The following FAS variants were observed in gnomAD, a reference collection of about 807,000 sequenced individuals.
The protein encoded by FAS is tumor necrosis factor receptor superfamily member 6.
FAS carries 5 observed loss-of-function variants against 33.2 expected under a neutral mutation model. The observed-to-expected ratio is 0.15, with a 90% confidence interval of 0.08 to 0.32. The LOEUF (loss-of-function observed/expected upper bound fraction) is 0.32. FAS is among the 10% of genes least tolerant of loss of function. The pLI, the probability that FAS is intolerant of heterozygous loss-of-function variation, is 1.00. For missense variants in FAS, 339 were observed against 386.0 expected (o/e 0.88, Z 1.02); for synonymous variants, 131 against 130.7 (o/e 1.00, Z -0.01).
At position 89,006,854 on chromosome 10, in the gene FAS, C is replaced by T. The variant is rs9658751; in HGVS notation, c.197-846C>T. On this transcript the variant is annotated intron_variant, in intron 2 of 8. Coordinates refer to ENST00000652046, the MANE Select transcript of FAS (RefSeq NM_000043.6). ...TTTTAAGAGAACACATTACATAATGCTTTCTAATAGCAATACAGTGACAAA... is the reference window on the plus strand; with the variant it reads ...TTTTAAGAGAACACATTACATAATGTTTTCTAATAGCAATACAGTGACAAA... Among the ~76,000 whole-genome samples the T allele has an allele frequency of 1.1e-3, 166 of 150,658 alleles. 1 individual carries two copies. The highest frequency in any genetic ancestry group is 3.9e-3 in the African/African-American group (161 of 40,922).
intron 2 of FAS, chr10:88,975,029 T>C (rs1336631958): frequency 6.6e-6 from 1 of 152,200 alleles, no homozygotes; most frequent in Admixed American, 6.5e-5. Flanking sequence ...ATGATGCAAA[T>C]TGTTTACTGT....
chr10:89,014,516 G>A lies in FAS; in HGVS notation c.*66G>A, dbSNP rs755243893. The stretch of plus-strand genomic sequence containing the variant: ...GTGTTTGAAAAGATTCTTAATAGCT[G>A]GCTGTAAATACTGCTTGGTTTTTTA... On this transcript the variant is annotated 3_prime_UTR_variant, in exon 9 of 9. Transcript: ENST00000652046. 34 of 1,461,016 alleles carry A rather than the reference G, an allele frequency of 2.3e-5. No homozygotes were observed. The Admixed American group carries it at 5.7e-4, about 25-fold the overall frequency. 90.5% of individuals were successfully genotyped at this position (1,461,016 alleles called of 1,614,324 possible).
rs776971935 is a variant in FAS, at chr10:89,014,624, A to G, written c.*174A>G. 2.6e-5 allele frequency: 20 copies of G among 772,808 alleles called. No homozygotes were observed. The South Asian group carries it at 2.9e-4, about 11-fold the overall frequency. 47.9% of individuals were successfully genotyped at this position (772,808 alleles called of 1,614,324 possible). A position where few individuals can be genotyped will look rare whatever the true frequency, so the allele number is the denominator to read the frequency against. ...ATATCTCATGATTCTGCCTCCAAGGATGTTTAAAATCTAGTTGGGAAAACA... is the reference window on the plus strand; with the variant it reads ...ATATCTCATGATTCTGCCTCCAAGGGTGTTTAAAATCTAGTTGGGAAAACA... On this transcript the variant is annotated 3_prime_UTR_variant, in exon 9 of 9. Transcript: ENST00000652046.
intron 3 of FAS, 137 bp from the exon 4 acceptor site, chr10:89,008,752 A>G (rs1848374270): frequency 1.2e-6 from 1 of 831,742 alleles, no homozygotes; most frequent in African/African-American, 1.7e-5. Context: ...TTAAACACTG[A>G]CTGTATTACT....
intron 1 of FAS, among the ~76,000 whole-genome samples, chr10:89,001,779 G>A (rs563282292): frequency 8.5e-5 from 13 of 152,326 alleles, no homozygotes; most frequent in African/African-American, 2.9e-4. Context: ...CCCTGTTTCT[G>A]AGAGGTTCAA....
chr10:88,982,578 G>A (rs1177181580), upstream of FAS, among the ~76,000 whole-genome samples: 3 of 152,152 alleles, frequency 2.0e-5, no homozygotes, highest in Non-Finnish European at 4.4e-5. Flanking sequence ...TATCCTGATT[G>A]GCTGAGGGAG....
chr10:89,016,107 G>T lies in FAS; in HGVS notation c.*1657G>T, dbSNP rs945564675. On this transcript the variant is annotated 3_prime_UTR_variant, in exon 9 of 9. Coordinates refer to ENST00000652046, the MANE Select transcript of FAS (RefSeq NM_000043.6). ...TGAGGATTTTGAAATATTCTTTCCT[G>T]CATATTATCCATTCTAGCTACATGC... 1.4e-4 allele frequency: 32 copies of T among 226,264 alleles called. No individual in the cohort carries two copies. The highest frequency in any genetic ancestry group is 6.5e-4 in the African/African-American group (29 of 44,724). The allele number at this position is 226,264 out of a possible 1,614,324, so 14.0% of individuals were successfully genotyped here.
chr10:88,966,476 C>T (rs1214421412), intron 1 of FAS, among the ~76,000 whole-genome samples: 1 of 152,120 alleles, frequency 6.6e-6, no homozygotes, highest in Non-Finnish European at 1.5e-5. Flanking sequence ...ATCCTGTCTA[C>T]CTCTAACAAT....
Position 88,990,995 on chromosome 10 carries a change from TGCGGCGGCA to T in FAS, c.30+96_30+104del. ...GGCGGGCGCGGGACGCGTGCGGGATTGCGGCGGCAGCGGCGCACGCGGGCACCTGGGAGC... is the reference window on the plus strand; with the variant it reads ...GGCGGGCGCGGGACGCGTGCGGGATTGCGGCGCACGCGGGCACCTGGGAGC... On this transcript the variant is annotated intron_variant, in intron 1 of 8. Transcript: ENST00000652046. The surrounding 1 kb of genome is among the most constrained non-coding windows in gnomAD (Gnocchi z 4.9). 6 of 1,588,584 alleles carry T rather than the reference TGCGGCGGCA, an allele frequency of 3.8e-6. No individual in the cohort carries two copies. In the South Asian group the frequency reaches 4.4e-5, roughly 12 times the overall value.
chr10:88,996,199 G>T (rs1018830555), intron 1 of FAS, among the ~76,000 whole-genome samples: 1 of 151,900 alleles, frequency 6.6e-6, no homozygotes, highest in African/African-American at 2.4e-5. Context: ...GAAGACTCTT[G>T]TTTTTTTGCT....
chr10:88,987,897 G>T (rs1846951571), upstream of FAS, among the ~76,000 whole-genome samples: 1 of 151,988 alleles, frequency 6.6e-6, no homozygotes, highest in Non-Finnish European at 1.5e-5. Flanking sequence ...TAAAACATTT[G>T]CTTTCTATAA....
In FAS at chr10:88,990,845, G is replaced by A; in HGVS notation, c.-32G>A. ...ACCCGCTCAGTACGGAGTTGGGGAAGCTCTTTCACTTCGGAGGATTGCTCA... is the reference window on the plus strand; with the variant it reads ...ACCCGCTCAGTACGGAGTTGGGGAAACTCTTTCACTTCGGAGGATTGCTCA... On this transcript the variant is annotated 5_prime_UTR_variant, in exon 1 of 9. Transcript: ENST00000652046. The surrounding 1 kb of genome is among the most constrained non-coding windows in gnomAD (Gnocchi z 4.9). The A allele has an allele frequency of 6.2e-7, 1 of 1,614,248 alleles. No homozygotes were observed.
intron 1 of FAS, among the ~76,000 whole-genome samples, chr10:88,972,909 G>T (rs560840963): frequency 2.9e-4 from 44 of 152,162 alleles, no homozygotes; most frequent in African/African-American, 1.0e-3. Context: ...TAGGATACTA[G>T]GTGTTTTAGA....
chr10:89,006,679 A>T (rs898553790), intron 2 of FAS, among the ~76,000 whole-genome samples: 2 of 152,062 alleles, frequency 1.3e-5, no homozygotes, highest in Non-Finnish European at 2.9e-5. Flanking sequence ...TGATATCAAT[A>T]TATTTATTTG....
In FAS at chr10:89,015,219, T is replaced by C. The variant is rs560644157; in HGVS notation, c.*769T>C. On this transcript the variant is annotated 3_prime_UTR_variant, in exon 9 of 9. Coordinates refer to ENST00000652046, the MANE Select transcript of FAS (RefSeq NM_000043.6). ...TGCCACCTCTCCATTTTTGCCTTGGTGCTCATCTTAATGGCCTAATGCACC... is the reference window on the plus strand; with the variant it reads ...TGCCACCTCTCCATTTTTGCCTTGGCGCTCATCTTAATGGCCTAATGCACC... The C allele has an allele frequency of 1.7e-5, 9 of 534,898 alleles. No individual in the cohort carries two copies. Among genetic ancestry groups the C allele is most frequent in the Non-Finnish European group, 3.3e-5 (9 of 276,728 alleles). 33.1% of individuals were successfully genotyped at this position (534,898 alleles called of 1,614,324 possible).
At chr10:89,001,931 A>AG (rs1249504245) in intron 1 of FAS, among the ~76,000 whole-genome samples, 1 of 152,134 alleles carries the variant, frequency 6.6e-6, no homozygotes, top group African/African-American at 2.4e-5. Context: ...AACTGGAGGG[A>AG]GGGGAACACA....
chr10:88,999,941 CT>C (rs1847832582), intron 1 of FAS, among the ~76,000 whole-genome samples: 1 of 152,154 alleles, frequency 6.6e-6, no homozygotes, highest in East Asian at 1.9e-4. Flanking sequence ...TTACCAGTTT[CT>C]GGTGATTTGT....
At chr10:88,985,873 AG>A (rs1846866207), upstream of FAS, among the ~76,000 whole-genome samples, 1 of 152,234 alleles carries the variant, frequency 6.6e-6, no homozygotes, top group Admixed American at 6.5e-5. Context: ...CAACCTTTCC[AG>A]AAGTATAATG....
chr10:89,015,038 CATATT>C lies in FAS; in HGVS notation c.*592_*596del, dbSNP rs1401772011. On this transcript the variant is annotated 3_prime_UTR_variant, in exon 9 of 9. Coordinates refer to ENST00000652046, the MANE Select transcript of FAS (RefSeq NM_000043.6). ...AGACCTTTGCACAGTTTATTGGTGT[CATATT>C]ATACAATATTTCAATTGTGAATTCA... 4.5e-5 allele frequency: 24 copies of C among 533,878 alleles called. No individual in the cohort carries two copies. The highest frequency in any genetic ancestry group is 2.0e-4 in the African/African-American group (11 of 53,960). 33.1% of individuals were successfully genotyped at this position (533,878 alleles called of 1,614,324 possible).
Sources: gnomAD v4.1 joint callset for allele counts (sites outside exome capture counted in the v4.1 genomes callset) on GRCh38, gnomAD v4.1.1 for gene constraint, Gnocchi (gnomAD v3.1) non-coding constraint, MANE v1.5 for transcripts, NCBI Gene and HGNC (gene_info 2026-07-23, HGNC 2026-07-21) for gene names.